The following CTNNA2 variants were observed in gnomAD, a reference collection of about 807,000 sequenced individuals.
CTNNA2 encodes the protein catenin alpha-2.
CTNNA2 carries 42 observed loss-of-function variants against 101.0 expected under a neutral mutation model. The observed-to-expected ratio is 0.42, with a 90% CI of 0.32 to 0.54. The LOEUF (loss-of-function observed/expected upper bound fraction) is 0.54, where lower values mean the gene tolerates loss of function less well. Among genes scored for constraint, CTNNA2 ranks in the 20% least tolerant of loss-of-function variants. The probability of loss-of-function intolerance (pLI) is 0.14; values close to 1 mark genes in which losing one functional copy is unlikely to be tolerated. For missense variants in CTNNA2, 871 were observed against 1,223.1 expected, an observed-to-expected ratio of 0.71 and a Z score of 4.29; for synonymous variants, 450 against 456.4, an observed-to-expected ratio of 0.99 and a Z score of 0.18.
intron 1 of CTNNA2, among the ~76,000 whole-genome samples, chr2:79,624,974 A>G (rs1394419337): frequency 2.0e-5 from 3 of 152,154 alleles, no homozygotes; most frequent in Admixed American, 1.3e-4. Flanking sequence ...GCAATTTGTG[A>G]TACTGCGTTG....
chr2:79,827,889 C>T (rs952934099), intron 3 of CTNNA2, among the ~76,000 whole-genome samples: 33 of 152,130 alleles, frequency 2.2e-4, no homozygotes, highest in African/African-American at 7.5e-4. Flanking sequence ...TATGTCAAAG[C>T]AAGTTGGTAT....
At chr2:80,584,033 T>C (rs1303285738) in intron 14 of CTNNA2, among the ~76,000 whole-genome samples, 1 of 152,142 alleles carries the variant, frequency 6.6e-6, no homozygotes, top group African/African-American at 2.4e-5. Flanking sequence ...TGTAATTATA[T>C]GATGACAAAT....
chr2:80,435,419 TC>T (rs1471666411), intron 9 of CTNNA2, among the ~76,000 whole-genome samples: 1 of 152,208 alleles, frequency 6.6e-6, no homozygotes, highest in East Asian at 1.9e-4. Flanking sequence ...ATTTTTTTTT[TC>T]TCTGTGATCT....
chr2:80,410,492 A>G (rs1679471040), intron 8 of CTNNA2, among the ~76,000 whole-genome samples: 1 of 152,244 alleles, frequency 6.6e-6, no homozygotes, highest in Admixed American at 6.5e-5. Context: ...AAACCATTGG[A>G]AAAACGTCTT....
At chr2:80,401,191 G>A (rs918425788) in intron 8 of CTNNA2, among the ~76,000 whole-genome samples, 1 of 152,048 alleles carries the variant, frequency 6.6e-6, no homozygotes, top group East Asian at 1.9e-4. Flanking sequence ...TCTAGTCTTT[G>A]TTTCTTCAGG....
At chr2:79,962,675 A>T (rs573033276) in intron 7 of CTNNA2, among the ~76,000 whole-genome samples, 1 of 152,244 alleles carries the variant, frequency 6.6e-6, no homozygotes, top group East Asian at 1.9e-4. Flanking sequence ...CTAAGTTCCG[A>T]CTGGTAGGTC....
chr2:79,483,391 T>C (rs182341662), intron 4 of CTNNA2, among the ~76,000 whole-genome samples: 11 of 152,304 alleles, frequency 7.2e-5, no homozygotes, highest in Admixed American at 5.9e-4. Flanking sequence ...AAGGGGCACA[T>C]CATTGCCAGC....
chr2:80,586,784 G>A lies in CTNNA2; in HGVS notation c.2008-2520G>A, dbSNP rs1005887608. Among the ~76,000 whole-genome samples, 8 of 152,186 alleles carry A rather than the reference G, an allele frequency of 5.3e-5. No individual in the cohort carries two copies. In the South Asian group the frequency reaches 6.2e-4, roughly 12 times the overall value. Reference sequence around the variant, plus strand: ...TTTAAATATGGATTAAAATTTACACGTACACACGCATATCCAAACATACAT... The same window carrying A: ...TTTAAATATGGATTAAAATTTACACATACACACGCATATCCAAACATACAT... On this transcript the variant is annotated intron_variant, in intron 14 of 18. Transcript: ENST00000402739.
intron 1 of CTNNA2, among the ~76,000 whole-genome samples, chr2:79,618,445 A>G (rs1216841563): frequency 1.3e-5 from 2 of 151,936 alleles, no homozygotes; most frequent in Non-Finnish European, 2.9e-5. Flanking sequence ...GTTACTTTTG[A>G]GGTATTAGAA....
At chr2:80,053,904 G>A (rs529309806) in intron 7 of CTNNA2, among the ~76,000 whole-genome samples, 9 of 152,278 alleles carry the variant, frequency 5.9e-5, no homozygotes, top group South Asian at 2.1e-4. Context: ...TCATACGTAC[G>A]TTTTAAATCT....
intron 18 of CTNNA2, among the ~76,000 whole-genome samples, chr2:80,627,025 C>T (rs905398008): frequency 6.6e-6 from 1 of 152,110 alleles, no homozygotes; most frequent in African/African-American, 2.4e-5. Context: ...CAACCATGTC[C>T]CTGTAAAGGA....
intron 7 of CTNNA2, among the ~76,000 whole-genome samples, chr2:80,065,363 ATTT>A (rs34605273): frequency 6.9e-6 from 1 of 144,454 alleles, no homozygotes. Flanking sequence ...TCTCCATTCT[ATTT>A]TTTTTTTTTT....
intron 2 of CTNNA2, among the ~76,000 whole-genome samples, chr2:79,732,748 C>T (rs1012781150): frequency 6.6e-6 from 1 of 152,026 alleles, no homozygotes; most frequent in Non-Finnish European, 1.5e-5. Context: ...CAGAAGTTTT[C>T]TTCTTACTAC....
intron 4 of CTNNA2, among the ~76,000 whole-genome samples, chr2:79,375,596 A>C (rs1677962101): frequency 6.6e-6 from 1 of 152,180 alleles, no homozygotes; most frequent in Non-Finnish European, 1.5e-5. Flanking sequence ...TAGACTAATG[A>C]AGAAAATAGG....
In CTNNA2 at chr2:79,443,158, C is replaced by T. The variant is rs1678795163; in HGVS notation, c.-134-61896C>T. Reference sequence around the variant, plus strand: ...TAAAGATAAAAACAAAGAGATATATCGTGAAGAATTCTGACAAAATTATGG... The same window carrying T: ...TAAAGATAAAAACAAAGAGATATATTGTGAAGAATTCTGACAAAATTATGG... On this transcript the variant is annotated intron_variant, in intron 4 of 21. Coordinates refer to the CTNNA2 transcript ENST00000466387. Among the ~76,000 whole-genome samples, 3 of 152,132 alleles carry T rather than the reference C, an allele frequency of 2.0e-5. No individual in the cohort carries two copies. The South Asian group carries it at 6.2e-4, about 32-fold the overall frequency.
At chr2:79,297,533 A>G (rs1294643123) in intron 2 of CTNNA2, among the ~76,000 whole-genome samples, 1 of 152,160 alleles carries the variant, frequency 6.6e-6, no homozygotes, top group Non-Finnish European at 1.5e-5. Flanking sequence ...GCTAGACTTC[A>G]TGGTTCATTT....
intron 2 of CTNNA2, among the ~76,000 whole-genome samples, chr2:79,675,701 ATGTC>A (rs1558827250): frequency 1.3e-5 from 2 of 152,132 alleles, no homozygotes; most frequent in Admixed American, 6.5e-5. Context: ...GGAGACTTGG[ATGTC>A]TGTCTGTTTC....
intron 7 of CTNNA2, among the ~76,000 whole-genome samples, chr2:80,160,864 C>A (rs947221387): frequency 2.7e-5 from 4 of 150,926 alleles, no homozygotes; most frequent in African/African-American, 9.7e-5. Context: ...ATCATTCAAT[C>A]TTTCAGCATT....
At chr2:79,743,184 A>T (rs1671414846) in intron 2 of CTNNA2, among the ~76,000 whole-genome samples, 1 of 152,140 alleles carries the variant, frequency 6.6e-6, no homozygotes, top group African/African-American at 2.4e-5. Context: ...ATAAAAAAAA[A>T]ATACAGCAGT....
Sources: gnomAD v4.1 joint callset for allele counts (sites outside exome capture counted in the v4.1 genomes callset) on GRCh38, gnomAD v4.1.1 for gene constraint, MANE v1.5 for transcripts, NCBI Gene and HGNC (gene_info 2026-07-23, HGNC 2026-07-21) for gene names.